Variants in CNOT6 observed in about 807,000 individuals in gnomAD.
The protein encoded by CNOT6 is CCR4-NOT transcription complex subunit 6, also known as carbon catabolite repression 4 protein.
Under a neutral mutation model 61.2 loss-of-function variants are expected in CNOT6, and 12 were observed. The observed-to-expected ratio is 0.20, with a 90% CI of 0.13 to 0.32. The LOEUF (loss-of-function observed/expected upper bound fraction) is 0.32, where lower values mean the gene tolerates loss of function less well. Ranked by LOEUF, CNOT6 falls within the 10% of genes least tolerant of loss-of-function variation. CNOT6 has a pLI of 1.00. For synonymous variants in CNOT6, 225 were observed against 240.6 expected (o/e 0.94, Z 0.60); for missense variants, 405 against 663.9 (o/e 0.61, Z 4.28).
chr5:180,577,191 G>GTT lies in CNOT6; in HGVS notation c.*2992_*2993insTT, dbSNP rs1554105041. 5 of 152,092 alleles carry GTT rather than the reference G, an allele frequency of 3.3e-5. No individual in the cohort carries two copies. Among genetic ancestry groups the GTT allele is most frequent in the African/African-American group, 1.2e-4 (5 of 41,098 alleles). 9.4% of individuals were successfully genotyped at this position (152,092 alleles called of 1,614,324 possible). On this transcript the variant is annotated 3_prime_UTR_variant, in exon 12 of 12. Transcript: ENST00000261951. ...TGTGTGTGTGTGTGTGTGTGTGTGT[G>GTT]TGTGTTTAATATGATTTAGTGACAA...
Position 180,547,517 on chromosome 5 carries a change from GA to G in CNOT6, c.113-2406del, listed in dbSNP as rs1412470403. Among the ~76,000 whole-genome samples the G allele has an allele frequency of 9.3e-5, 14 of 151,282 alleles. No individual in the cohort carries two copies. In the East Asian group the frequency reaches 2.5e-3, roughly 27 times the overall value. On this transcript the variant is annotated intron_variant, in intron 2 of 11. Transcript: ENST00000261951. ...CCTGGGCAACAGAGCGAGACTCCAT[GA>G]AAAAAAAGAGAAAAGAAAAGAAAAT...
In CNOT6 at chr5:180,529,333, T is replaced by A; in HGVS notation, c.57T>A (p.Ser19=). 6.2e-7 allele frequency: 1 copy of A among 1,613,950 alleles called. No individual in the cohort carries two copies. The highest frequency in any genetic ancestry group is 8.5e-7 in the Non-Finnish European group (1 of 1,179,908). Residue 19 remains serine, a synonymous_variant, in exon 2 of 12, where the codon TCT becomes TCA. Transcript: ENST00000261951. ...PDPRRMYTIM[S]SEEAANGKKS... Reference sequence around the variant, plus strand: ...CTCGGAGGATGTATACAATTATGTCTTCTGAGGAAGCAGCAAATGGAAAGA... The same window carrying A: ...CTCGGAGGATGTATACAATTATGTCATCTGAGGAAGCAGCAAATGGAAAGA...
chr5:180,513,849 G>A (rs1026702594), intron 1 of CNOT6, among the ~76,000 whole-genome samples: 1 of 151,772 alleles, frequency 6.6e-6, no homozygotes, highest in Admixed American at 6.6e-5. Context: ...GACTACAGGC[G>A]CCCGCCACCA....
intron 2 of CNOT6, among the ~76,000 whole-genome samples, chr5:180,530,561 C>CTTTTT (rs70973925): frequency 8.4e-6 from 1 of 119,448 alleles, no homozygotes; most frequent in African/African-American, 3.1e-5. Context: ...CTTCTGATTT[C>CTTTTT]TTTTTTTTTT....
chr5:180,525,798 G>A (rs1415636924), intron 1 of CNOT6, among the ~76,000 whole-genome samples: 1 of 152,028 alleles, frequency 6.6e-6, no homozygotes, highest in Admixed American at 6.6e-5. Context: ...CGATATCCTG[G>A]AAGCCAAGCA....
At chr5:180,543,250 G>A (rs1311023506) in intron 2 of CNOT6, among the ~76,000 whole-genome samples, 4 of 152,036 alleles carry the variant, frequency 2.6e-5, no homozygotes, top group African/African-American at 4.8e-5. Context: ...TAATAGAGAC[G>A]GGGTTTCATC....
intron 1 of CNOT6, among the ~76,000 whole-genome samples, chr5:180,525,220 A>G (rs985157459): frequency 6.6e-6 from 1 of 152,178 alleles, no homozygotes; most frequent in Admixed American, 6.6e-5. Flanking sequence ...TGCTTTGATT[A>G]AACAGTCAAA....
At chr5:180,521,289 A>G (rs893688905) in intron 1 of CNOT6, among the ~76,000 whole-genome samples, 1 of 152,212 alleles carries the variant, frequency 6.6e-6, no homozygotes, top group Non-Finnish European at 1.5e-5. Context: ...ACGACATTTT[A>G]CAGAACAATG....
chr5:180,563,704 T>C (rs543562481), intron 4 of CNOT6, among the ~76,000 whole-genome samples: 3 of 152,362 alleles, frequency 2.0e-5, no homozygotes, highest in South Asian at 2.1e-4. Context: ...TTTCTTAAAA[T>C]GGCGCTGTGG....
chr5:180,545,102 T>C (rs952590703), intron 2 of CNOT6, among the ~76,000 whole-genome samples: 6 of 149,868 alleles, frequency 4.0e-5, no homozygotes, highest in African/African-American at 4.8e-5. Flanking sequence ...CTGTTCTGTT[T>C]ATAGCAAAGT....
chr5:180,557,926 C>T (rs985409957), intron 4 of CNOT6, among the ~76,000 whole-genome samples: 3 of 152,178 alleles, frequency 2.0e-5, no homozygotes, highest in African/African-American at 7.2e-5. Flanking sequence ...TGTGGCCTGT[C>T]GATGTCCAGT....
intron 2 of CNOT6, among the ~76,000 whole-genome samples, chr5:180,543,588 G>A (rs1422701287): frequency 6.6e-6 from 1 of 152,136 alleles, no homozygotes; most frequent in Non-Finnish European, 1.5e-5. Context: ...ACCTGAACAA[G>A]TGTTTTCATA....
rs1231915703 is a variant in CNOT6, at chr5:180,564,509, A to T, written c.406A>T (p.Ile136Leu). 7 of 1,612,550 alleles carry T rather than the reference A, an allele frequency of 4.3e-6. No individual in the cohort carries two copies. The highest frequency in any genetic ancestry group is 5.9e-6 in the Non-Finnish European group (7 of 1,178,698). The change falls in exon 5 of 12, where the codon ATA becomes TTA. Residue 136 changes from isoleucine (I) to leucine (L), a missense_variant. By Grantham distance (5) the Ile-to-Leu change is conservative. Around this residue, in one of 5 missense-constraint regions of CNOT6, gnomAD observed 212 missense variants for 307.1 expected, o/e 0.69. Transcript: ENST00000261951. ...GLKGNPLTQD[I>L]LNLYQEPDGT... is the part of the protein sequence containing the mutation. ...TCCAGGAAATCCCCTTACCCAGGAT[A>T]TATTGAACCTTTATCAGGAACCAGA...
chr5:180,569,087 T>C (rs1449417286), intron 9 of CNOT6, 23 bp from the exon 10 acceptor site: 2 of 1,577,502 alleles, frequency 1.3e-6, no homozygotes, highest in East Asian at 2.2e-5. Context: ...TCTCTTTCTT[T>C]GTTTCGTTTT....
rs374888368 is a variant in CNOT6, at chr5:180,550,106, G to A, written c.288G>A (p.Met96Ile). Residue 96 changes from methionine (M) to isoleucine (I), a missense_variant, in exon 3 of 12, where the codon ATG becomes ATA. This residue lies in a region of CNOT6 where 212 missense variants were observed against 307.1 expected (regional missense o/e 0.69). Coordinates refer to ENST00000261951, the MANE Select transcript of CNOT6 (RefSeq NM_001370472.1). Reference sequence around the variant, plus strand: ...GCTTACCCGCAGAACTCGGAAACATGGTATCACTCAGGTATGCAGATTCAA... The same window carrying A: ...GCTTACCCGCAGAACTCGGAAACATAGTATCACTCAGGTATGCAGATTCAA... ...IRSLPAELGN[M>I]VSLRELHLNN... 1 of 1,613,278 alleles carries A rather than the reference G, an allele frequency of 6.2e-7. No individual in the cohort carries two copies. Among genetic ancestry groups the A allele is most frequent in the African/African-American group, 1.3e-5 (1 of 74,838 alleles).
intron 2 of CNOT6, among the ~76,000 whole-genome samples, chr5:180,543,121 C>T (rs11249721): frequency 0.17 from 26,595 of 152,002 alleles, 2,402 homozygotes; most frequent in Non-Finnish European, 0.19. Flanking sequence ...TGCAGTGGCA[C>T]GGTCTCTGGT....
intron 1 of CNOT6, among the ~76,000 whole-genome samples, chr5:180,504,388 T>C (rs1757030599): frequency 6.6e-6 from 1 of 152,206 alleles, no homozygotes; most frequent in Non-Finnish European, 1.5e-5. Context: ...ACATTACAAC[T>C]TCCCAAGTCA....
At chr5:180,542,596 C>T (rs72812971) in intron 2 of CNOT6, among the ~76,000 whole-genome samples, 3 of 152,122 alleles carry the variant, frequency 2.0e-5, no homozygotes, top group South Asian at 4.1e-4. Context: ...TCTGCAAATG[C>T]ATAGTTATTT....
rs759071538 is a variant in CNOT6 at position 180,569,257 on chromosome 5, G to A, written c.1175G>A (p.Arg392His). 2.0e-5 allele frequency: 33 copies of A among 1,614,122 alleles called. No homozygotes were observed. The Middle Eastern group carries it at 4.9e-4, about 24-fold the overall frequency. ...AAGAACATTATTGATAAAGCCTCTCGCAACCTCAAATCCAGTGTTTTGGGA... is the reference window on the plus strand; with the variant it reads ...AAGAACATTATTGATAAAGCCTCTCACAACCTCAAATCCAGTGTTTTGGGA... ...EVKNIIDKAS[R>H]NLKSSVLGEF... Residue 392 changes from arginine to histidine, a missense_variant, in exon 10 of 12, where the codon CGC becomes CAC. Physicochemically the swap from Arg to His is conservative, Grantham distance 29. Transcript: ENST00000261951.
Sources: gnomAD v4.1 joint callset for allele counts (sites outside exome capture counted in the v4.1 genomes callset) on GRCh38, gnomAD v4.1.1 for gene constraint, gnomAD v4.1.1 regional missense constraint, MANE v1.5 for transcripts, NCBI Gene and HGNC (gene_info 2026-07-23, HGNC 2026-07-21) for gene names.